Variants in DNAH1 observed in about 807,000 individuals in gnomAD.
DNAH1 encodes the protein axonemal beta dynein heavy chain 1.
DNAH1 carries 327 observed loss-of-function variants against 484.3 expected under a neutral mutation model. That is an observed-to-expected ratio of 0.68 (90% CI 0.62 to 0.74). The LOEUF (loss-of-function observed/expected upper bound fraction) is 0.74. Ranked by LOEUF, DNAH1 falls within the 30% of genes least tolerant of loss-of-function variation. The probability of loss-of-function intolerance (pLI) is 0.00; values close to 1 mark genes in which losing one functional copy is unlikely to be tolerated. For synonymous variants in DNAH1, 2,192 were observed against 2,191.9 expected (o/e 1.00, Z 0.00); for missense variants, 5,052 against 5,546.8 (o/e 0.91, Z 2.83).
intron 8 of DNAH1, among the ~76,000 whole-genome samples, chr3:52,336,782 A>T (rs1023171878): frequency 1.3e-5 from 2 of 152,062 alleles, no homozygotes; most frequent in Non-Finnish European, 2.9e-5. Flanking sequence ...ATTTTGTTAC[A>T]TTGGACTATG....
At chr3:52,376,080 G>A (rs778714000) in intron 46 of DNAH1, 87 bp downstream of exon 46, 69 of 1,525,674 alleles carry the variant, frequency 4.5e-5, no homozygotes, top group Non-Finnish European at 5.3e-5. Flanking sequence ...GCGACCAGGC[G>A]CCGTGGTGAA....
chr3:52,386,913 C>T, intron 56 of DNAH1, 60 bp downstream of exon 56: 4 of 1,466,190 alleles, frequency 2.7e-6, no homozygotes, highest in Non-Finnish European at 3.6e-6. Context: ...CCCGGCAGGA[C>T]AGTGAAGCTG....
At chr3:52,317,145 C>T (rs1050323897) in intron 1 of DNAH1, among the ~76,000 whole-genome samples, 5 of 152,122 alleles carry the variant, frequency 3.3e-5, no homozygotes, top group African/African-American at 9.7e-5. Context: ...GACATTCTGA[C>T]GTGTTTCTTC....
rs552285798 is a variant in DNAH1, at chr3:52,363,254, A to G, written c.5244+110A>G. 159 of 1,406,020 alleles carry G rather than the reference A, an allele frequency of 1.1e-4. No individual in the cohort carries two copies. In the African/African-American group the frequency reaches 2.0e-3, roughly 17 times the overall value. The allele number at this position is 1,406,020 out of a possible 1,614,324, so 87.1% of individuals were successfully genotyped here. A position where few individuals can be genotyped will look rare whatever the true frequency, so the allele number is the denominator to read the frequency against. On this transcript the variant is annotated intron_variant, in intron 32 of 77. Transcript: ENST00000420323. ...CTATGCCCGGTGCTTTACAGGCATT[A>G]CCTTGTCGGCTTCTCCCAGCAACCC...
rs772829817 is a variant in DNAH1, at chr3:52,359,964, C to T, written c.4456C>T (p.Arg1486Trp). ...LVRGKLSRMQRAVLSALIVIE... is the reference protein window; with the variant it reads ...LVRGKLSRMQWAVLSALIVIE... ...GCGGGGGAAGCTGTCCCGCATGCAG[C>T]GGGCAGTGCTGTCAGCGCTAATCGT... Residue 1486 changes from arginine to tryptophan, a missense_variant, in exon 27 of 78, where the codon CGG (arginine) becomes TGG (tryptophan). By Grantham distance (101) the Arg-to-Trp change is moderately radical. Around this residue, in one of 4 missense-constraint regions of DNAH1, gnomAD observed 2,929 missense variants for 3,409.4 expected, o/e 0.86. Coordinates refer to ENST00000420323, the MANE Select transcript of DNAH1 (RefSeq NM_015512.5). The T allele has an allele frequency of 3.1e-5, 50 of 1,613,746 alleles. No homozygotes were observed. The highest frequency in any genetic ancestry group is 4.1e-5 in the Non-Finnish European group (48 of 1,179,890).
In DNAH1 at chr3:52,360,089, T is replaced by TG. The variant is rs577051256; in HGVS notation, c.4571+16dup. On this transcript the variant is annotated intron_variant, in intron 27 of 77. Transcript: ENST00000420323. Reference sequence around the variant, plus strand: ...GGATCTCACAGCTGAGGTGAGGACATGGGGGGCGCCCCCAGGGCCAGAGCA... The same window carrying TG: ...GGATCTCACAGCTGAGGTGAGGACATGGGGGGGCGCCCCCAGGGCCAGAGCA... 434 of 1,613,558 alleles carry TG rather than the reference T, an allele frequency of 2.7e-4. 2 individuals carry two copies. In the African/African-American group the frequency reaches 5.0e-3, roughly 19 times the overall value.
At position 52,364,534 on chromosome 3, in the gene DNAH1, TG is replaced by T; in HGVS notation, c.5245-102del. 2 of 1,283,062 alleles carry T rather than the reference TG, an allele frequency of 1.6e-6. No individual in the cohort carries two copies. The highest frequency in any genetic ancestry group is 1.5e-5 in the African/African-American group (1 of 68,504). 79.5% of individuals were successfully genotyped at this position (1,283,062 alleles called of 1,614,324 possible). On this transcript the variant is annotated intron_variant, in intron 32 of 77. Coordinates refer to ENST00000420323, the MANE Select transcript of DNAH1 (RefSeq NM_015512.5). This position sits in a 1 kb window ranked among gnomAD's most constrained non-coding sequence, Gnocchi z 4.2. ...GGTCTGCAAGGGAAGTGCTATGAGC[TG>T]GTGATGAGACTTGGCCAACTGCCAG... is the stretch of plus-strand genomic sequence containing the variant.
At chr3:52,382,965 TCCCAAC>T (rs1703921808) in intron 50 of DNAH1, among the ~76,000 whole-genome samples, 1 of 152,150 alleles carries the variant, frequency 6.6e-6, no homozygotes, top group South Asian at 2.1e-4. Context: ...CCCAGCCCTG[TCCCAAC>T]CCCAGAGCTC....
At position 52,379,970 on chromosome 3, in the gene DNAH1, G is replaced by A; in HGVS notation, c.7443G>A (p.Val2481=). The change falls in exon 48 of 78, where the codon GTG becomes GTA. Residue 2481 remains valine (V), a synonymous_variant. Coordinates refer to ENST00000420323, the MANE Select transcript of DNAH1 (RefSeq NM_015512.5). This position sits in a 1 kb window ranked among gnomAD's most constrained non-coding sequence, Gnocchi z 4.4. ...GCCGCGTGTTCCGGGACCGACTGGT[G>A]AATGAGGAGGACCGCAGCTGGTTCG... The part of the protein sequence containing the change: ...ENCRVFRDRL[V]NEEDRSWFDQ... 1.3e-6 allele frequency: 2 copies of A among 1,585,710 alleles called. No homozygotes were observed. The highest frequency in any genetic ancestry group is 8.6e-7 in the Non-Finnish European group (1 of 1,166,324).
intron 8 of DNAH1, among the ~76,000 whole-genome samples, chr3:52,337,782 ATTG>A (rs1201927014): frequency 6.6e-6 from 1 of 152,010 alleles, no homozygotes; most frequent in African/African-American, 2.4e-5. Context: ...GTCCTGTTTC[ATTG>A]TTGTTGTTTG....
chr3:52,385,655 G>A (rs1370310247), intron 54 of DNAH1, among the ~76,000 whole-genome samples: 4 of 152,230 alleles, frequency 2.6e-5, no homozygotes, highest in African/African-American at 9.6e-5. Flanking sequence ...GCAGGGGGTC[G>A]GTGAGGAGCA....
rs1306630781 is a variant in DNAH1 at position 52,375,423 on chromosome 3, G to T, written c.7159+10G>T. On this transcript the variant is annotated intron_variant, in intron 45 of 77. Transcript: ENST00000420323. The stretch of plus-strand genomic sequence containing the variant: ...CTGGGCAACTGGTTGGGTGAGTATT[G>T]GTGGGGGTGAGCATGGACAAAGGCA... 3 of 1,610,290 alleles carry T rather than the reference G, an allele frequency of 1.9e-6. No individual in the cohort carries two copies. The highest frequency in any genetic ancestry group is 2.5e-6 in the Non-Finnish European group (3 of 1,178,770).
At chr3:52,348,772 C>T in intron 12 of DNAH1, 116 bp from the exon 13 acceptor site, 3 of 1,139,828 alleles carry the variant, frequency 2.6e-6, no homozygotes, top group Admixed American at 4.1e-5. Flanking sequence ...CTCTAGGCTT[C>T]AGGCCACATC....
In DNAH1 at chr3:52,388,521, A is replaced by G. The variant is rs1704213068; in HGVS notation, c.9275A>G (p.Gln3092Arg). 1 of 1,612,934 alleles carries G rather than the reference A, an allele frequency of 6.2e-7. No individual in the cohort carries two copies. The highest frequency in any genetic ancestry group is 8.5e-7 in the Non-Finnish European group (1 of 1,179,506). ...GTGGAGGACGGCATCGCCACAATGC[A>G]GGCTAAGTACCGGGAATGCATTACC... ...REVEDGIATM[Q>R]AKYRECITKK... is the part of the protein sequence containing the mutation. Residue 3092 changes from glutamine (Q) to arginine (R), a missense_variant, in exon 58 of 78, where the codon CAG (glutamine) becomes CGG (arginine). By Grantham distance (43) the Gln-to-Arg change is conservative. This residue lies in a region of DNAH1 where 2,929 missense variants were observed against 3,409.4 expected (regional missense o/e 0.86). Coordinates refer to ENST00000420323, the MANE Select transcript of DNAH1 (RefSeq NM_015512.5).
At chr3:52,373,909 A>T in intron 44 of DNAH1, 1 of 1,371,690 alleles carries the variant, frequency 7.3e-7, no homozygotes. Flanking sequence ...ACGGGAGCAG[A>T]ATTTGACTCA....
At chr3:52,344,402 G>C in intron 8 of DNAH1, 88 bp from the exon 9 acceptor site, 7 of 1,516,704 alleles carry the variant, frequency 4.6e-6, no homozygotes, top group Non-Finnish European at 6.2e-6. Flanking sequence ...CGTGTCCCCA[G>C]GTCCATGCCA....
Position 52,354,874 on chromosome 3 carries a change from C to T in DNAH1, c.3512C>T (p.Thr1171Ile), listed in dbSNP as rs1363854699. The T allele has an allele frequency of 2.5e-6, 4 of 1,613,770 alleles. No homozygotes were observed. Among genetic ancestry groups the T allele is most frequent in the East Asian group, 4.5e-5 (2 of 44,886 alleles). Residue 1171 changes from threonine (T) to isoleucine (I), a missense_variant, in exon 21 of 78, where the codon ACC becomes ATC. Around this residue, in one of 4 missense-constraint regions of DNAH1, gnomAD observed 2,929 missense variants for 3,409.4 expected, o/e 0.86. Transcript: ENST00000420323. The part of the protein sequence containing the change: ...ALDKMEKEWS[T>I]ILFNVLPYKA... ...GACAAGATGGAGAAGGAGTGGTCGA[C>T]CATCCTGTTCAATGTACTGCCCTAC...
At position 52,362,576 on chromosome 3, in the gene DNAH1, C is replaced by T; in HGVS notation, c.5094+75C>T. The T allele has an allele frequency of 3.0e-6, 4 of 1,320,060 alleles. 1 individual carries two copies. In the Middle Eastern group the frequency reaches 5.4e-4, roughly 180 times the overall value. 81.8% of individuals were successfully genotyped at this position (1,320,060 alleles called of 1,614,324 possible). ...GTTCAGAGATGCTAAGCCACTTATG[C>T]AAGGACACAGTTGCTTGGACTCCAG... is the stretch of plus-strand genomic sequence containing the variant. On this transcript the variant is annotated intron_variant, in intron 31 of 77. Coordinates refer to ENST00000420323, the MANE Select transcript of DNAH1 (RefSeq NM_015512.5). The surrounding 1 kb of genome is among the most constrained non-coding windows in gnomAD (Gnocchi z 5.1).
chr3:52,386,099 G>T, intron 54 of DNAH1, 61 bp from the exon 55 acceptor site: 1 of 1,528,328 alleles, frequency 6.5e-7, no homozygotes, highest in East Asian at 2.3e-5. Flanking sequence ...TTCCATCTGG[G>T]GAGACTAAGA....
Sources: gnomAD v4.1 joint callset for allele counts (sites outside exome capture counted in the v4.1 genomes callset) on GRCh38, gnomAD v4.1.1 for gene constraint, gnomAD v4.1.1 regional missense constraint, Gnocchi (gnomAD v3.1) non-coding constraint, MANE v1.5 for transcripts, NCBI Gene and HGNC (gene_info 2026-07-23, HGNC 2026-07-21) for gene names.